Variants in NUP133 observed in about 807,000 individuals in gnomAD.
NUP133 encodes nuclear pore complex protein Nup133.
Under a neutral mutation model 146.2 loss-of-function variants are expected in NUP133, and 66 were observed. That is an observed-to-expected ratio of 0.45 (90% CI 0.37 to 0.55). The LOEUF is 0.55. Ranked by LOEUF, NUP133 falls within the 20% of genes least tolerant of loss-of-function variation. The pLI, the probability that NUP133 is intolerant of heterozygous loss-of-function variation, is 0.00. For missense variants in NUP133, 1,277 were observed against 1,374.8 expected (o/e 0.93, Z 1.12); for synonymous variants, 521 against 498.8 (o/e 1.04, Z -0.59).
intron 8 of NUP133, among the ~76,000 whole-genome samples, chr1:229,493,146 T>G (rs969103024): frequency 6.6e-6 from 1 of 152,182 alleles, no homozygotes; most frequent in Non-Finnish European, 1.5e-5. Flanking sequence ...AACTTTGTAT[T>G]AGTAATCATC....
At chr1:229,495,665 C>G (rs1019526544) in intron 7 of NUP133, 100 bp from the exon 8 acceptor site, 4 of 952,088 alleles carry the variant, frequency 4.2e-6, no homozygotes, top group South Asian at 1.5e-5. Context: ...ACCCATAACT[C>G]AGTTGCTGAA....
At chr1:229,488,945 A>C (rs1230916709) in intron 9 of NUP133, among the ~76,000 whole-genome samples, 1 of 152,242 alleles carries the variant, frequency 6.6e-6, no homozygotes, top group Non-Finnish European at 1.5e-5. Flanking sequence ...CATGAATACC[A>C]GTTATTAAAC....
chr1:229,443,520 G>T (rs1660230909), intron 25 of NUP133, among the ~76,000 whole-genome samples: 1 of 152,142 alleles, frequency 6.6e-6, no homozygotes, highest in Non-Finnish European at 1.5e-5. Context: ...TGCACAGGCT[G>T]AAGTAGCTGT....
chr1:229,446,377 C>T (rs1217492009), intron 24 of NUP133, among the ~76,000 whole-genome samples: 5 of 152,020 alleles, frequency 3.3e-5, no homozygotes, highest in African/African-American at 9.7e-5. Context: ...CCACTGCACT[C>T]CAGCCTAGGT....
At chr1:229,470,345 T>C (rs1259035789) in intron 15 of NUP133, among the ~76,000 whole-genome samples, 1 of 151,346 alleles carries the variant, frequency 6.6e-6, no homozygotes, top group Non-Finnish European at 1.5e-5. Flanking sequence ...GAGACAGTTA[T>C]TGGGGGAAAA....
intron 2 of NUP133, among the ~76,000 whole-genome samples, chr1:229,505,641 C>T (rs1346255057): frequency 6.8e-6 from 1 of 147,592 alleles, no homozygotes; most frequent in Non-Finnish European, 1.5e-5. Context: ...AATCCCAGCA[C>T]TTTGGGAGGC....
intron 8 of NUP133, among the ~76,000 whole-genome samples, chr1:229,492,798 C>T (rs1282939544): frequency 6.6e-6 from 1 of 151,922 alleles, no homozygotes; most frequent in Non-Finnish European, 1.5e-5. Flanking sequence ...TAAAAGACTA[C>T]ATATTGGATA....
chr1:229,472,701 A>AATATATATAT (rs762131305), intron 14 of NUP133, among the ~76,000 whole-genome samples: 2 of 103,154 alleles, frequency 1.9e-5, no homozygotes, highest in African/African-American at 1.1e-4. Flanking sequence ...TAAAAAACTA[A>AATATATATAT]ATATACATAT....
intron 15 of NUP133, among the ~76,000 whole-genome samples, chr1:229,469,532 A>G (rs1660905509): frequency 6.6e-6 from 1 of 152,194 alleles, no homozygotes; most frequent in African/African-American, 2.4e-5. Context: ...AAGGGGTCCA[A>G]AAAGGGATGG....
rs141364192 is a variant in NUP133 at position 229,505,693 on chromosome 1, C to A, written c.301+347G>T. ...CCTGAGGTCAGGAGTTCAAGACCAG[C>A]CTGGCCAACATGGTGAAACCCTGTC... On this transcript the variant is annotated intron_variant, in intron 2 of 25. Coordinates refer to ENST00000261396, the MANE Select transcript of NUP133 (RefSeq NM_018230.3). Among the ~76,000 whole-genome samples the A allele has an allele frequency of 4.8e-3, 727 of 151,784 alleles. 7 individuals carry two copies. Among genetic ancestry groups the A allele is most frequent in the African/African-American group, 0.017 (703 of 41,342 alleles).
At position 229,463,571 on chromosome 1, in the gene NUP133, T is replaced by C; in HGVS notation, c.2657A>G (p.Gln886Arg). The C allele has an allele frequency of 6.2e-7, 1 of 1,614,110 alleles. No individual in the cohort carries two copies. The highest frequency in any genetic ancestry group is 2.2e-5 in the East Asian group (1 of 44,878). The change falls in exon 19 of 26, where the codon CAG becomes CGG. Residue 886 changes from glutamine to arginine, a missense_variant. Transcript: ENST00000261396. ...CEQTDNQSRL[Q>R]RYMTQFADQN... ...ATCAGCAAACTGGGTCATGTAGCGC[T>C]GGAGTCGGCTCTGGTTGTCAGTCTG...
intron 13 of NUP133, among the ~76,000 whole-genome samples, chr1:229,475,971 G>T (rs539157535): frequency 6.6e-6 from 1 of 152,266 alleles, no homozygotes; most frequent in Admixed American, 6.5e-5. Context: ...AGCTGAGCGT[G>T]GTGGCGCATG....
chr1:229,470,842 T>C (rs1182829982), intron 14 of NUP133, 38 bp from the exon 15 acceptor site: 4 of 1,574,080 alleles, frequency 2.5e-6, no homozygotes, highest in African/African-American at 2.7e-5. Flanking sequence ...AGAAAGCAAT[T>C]ATGGTAACAT....
chr1:229,505,564 TAAAAA>T lies in NUP133; in HGVS notation c.301+471_301+475del, dbSNP rs56383157. On this transcript the variant is annotated intron_variant, in intron 2 of 25. Transcript: ENST00000261396. ...ATGTATTATACATCTCAATTACAGTTAAAAAAAAAAAAAAAAAAAAAAAAAAAAAC... is the reference window on the plus strand; with the variant it reads ...ATGTATTATACATCTCAATTACAGTTAAAAAAAAAAAAAAAAAAAAAAAAC... 8.5e-4 allele frequency among the ~76,000 whole-genome samples: 54 copies of T among 63,240 alleles called. 1 individual carries two copies. In the East Asian group the frequency reaches 9.7e-3, roughly 11 times the overall value. 41.5% of individuals were successfully genotyped at this position (63,240 alleles called of 152,430 possible).
Position 229,441,231 on chromosome 1 carries a change from G to A in NUP133, c.*673C>T, listed in dbSNP as rs1660175524. 8.0e-5 allele frequency: 27 copies of A among 339,154 alleles called. No homozygotes were observed. The highest frequency in any genetic ancestry group is 6.5e-4 in the South Asian group (27 of 41,736). 21.0% of individuals were successfully genotyped at this position (339,154 alleles called of 1,614,324 possible). A position where few individuals can be genotyped will look rare whatever the true frequency, so the allele number is the denominator to read the frequency against. ...GCTGAATCCCCACACTGAAAGATTA[G>A]AACTAAACATCAACAGTAATTTCTA... On this transcript the variant is annotated 3_prime_UTR_variant, in exon 26 of 26. Transcript: ENST00000261396.
chr1:229,468,058 G>T (rs977680342), intron 15 of NUP133, among the ~76,000 whole-genome samples: 1 of 152,148 alleles, frequency 6.6e-6, no homozygotes, highest in South Asian at 2.1e-4. Context: ...CTCATATGCC[G>T]TGTCAACATA....
At chr1:229,507,240 C>T (rs1372600639) in intron 1 of NUP133, among the ~76,000 whole-genome samples, 1 of 152,134 alleles carries the variant, frequency 6.6e-6, no homozygotes, top group Non-Finnish European at 1.5e-5. Flanking sequence ...GTCAAAGATA[C>T]AGTGTATTCT....
intron 12 of NUP133, among the ~76,000 whole-genome samples, chr1:229,480,689 C>T (rs758691679): frequency 6.6e-6 from 1 of 152,100 alleles, no homozygotes; most frequent in Non-Finnish European, 1.5e-5. Context: ...TGGCATCTAG[C>T]AGGAAGTGGC....
intron 2 of NUP133, among the ~76,000 whole-genome samples, chr1:229,504,780 T>C (rs868391561): frequency 5.0e-4 from 76 of 152,314 alleles, no homozygotes; most frequent in Non-Finnish European, 8.4e-4. Context: ...TGGTCAATCG[T>C]AGTCTGAAAA....
Sources: gnomAD v4.1 joint callset for allele counts (sites outside exome capture counted in the v4.1 genomes callset) on GRCh38, gnomAD v4.1.1 for gene constraint, MANE v1.5 for transcripts, NCBI Gene and HGNC (gene_info 2026-07-23, HGNC 2026-07-21) for gene names.